Variants in TSPAN15 observed in about 807,000 individuals in gnomAD.
TSPAN15 encodes the protein tetraspanin 15, also known as tetraspanin-15.
A neutral mutation model predicts 34.5 loss-of-function variants in TSPAN15; 20 were observed. The observed-to-expected ratio is 0.58, with a 90% CI of 0.41 to 0.84. The LOEUF is 0.84. Ranked by LOEUF, TSPAN15 falls within the 40% of genes least tolerant of loss-of-function variation. TSPAN15 has a pLI of 0.00. For synonymous variants in TSPAN15, 155 were observed against 153.9 expected, an observed-to-expected ratio of 1.01 and a Z score of -0.05; for missense variants, 313 against 386.1, an observed-to-expected ratio of 0.81 and a Z score of 1.59.
At position 69,485,083 on chromosome 10, in the gene TSPAN15, G is replaced by C. The variant is rs1841822784; in HGVS notation, c.283-58G>C. ...TCTTGGAGCAGATGGTGCCTCCCCT[G>C]TACCCCACACACGCCCACTGCTCCT... On this transcript the variant is annotated intron_variant, in intron 2 of 7. Coordinates refer to ENST00000373290, the MANE Select transcript of TSPAN15 (RefSeq NM_012339.5). 3.9e-6 allele frequency: 6 copies of C among 1,534,470 alleles called. No homozygotes were observed. In the South Asian group the frequency reaches 6.7e-5, roughly 17 times the overall value.
At chr10:69,455,522 CTCTTTCTTTCTCTT>C (rs1261254335) in intron 1 of TSPAN15, among the ~76,000 whole-genome samples, 15 of 147,526 alleles carry the variant, frequency 1.0e-4, no homozygotes, top group Admixed American at 1.0e-3. Context: ...TTCTTTCCCT[CTCTTTCTTTCTCTT>C]TCTTTCTTTC....
chr10:69,459,818 G>C (rs1486005508), intron 1 of TSPAN15, among the ~76,000 whole-genome samples: 1 of 151,614 alleles, frequency 6.6e-6, no homozygotes, highest in Non-Finnish European at 1.5e-5. Flanking sequence ...TCCTCTGTGG[G>C]TACCCCAGAG....
chr10:69,485,529 C>T (rs943069427), intron 3 of TSPAN15, among the ~76,000 whole-genome samples: 1 of 151,554 alleles, frequency 6.6e-6, no homozygotes, highest in Admixed American at 6.6e-5. Flanking sequence ...GTGGAGGCCA[C>T]GTGGCTGAGG....
chr10:69,544,929 G>A, the TSPAN15 span, among the ~76,000 whole-genome samples: 5 of 152,272 alleles, frequency 3.3e-5, no homozygotes, highest in South Asian at 4.1e-4. Flanking sequence ...GCCACACAGC[G>A]CGCCCCTTTG....
At chr10:69,518,852 A>G in the TSPAN15 span, among the ~76,000 whole-genome samples, 1 of 152,176 alleles carries the variant, frequency 6.6e-6, no homozygotes, top group East Asian at 1.9e-4. Flanking sequence ...GGGTAAAGGG[A>G]GGAGGCACCC....
At chr10:69,487,537 C>G (rs527787112) in intron 3 of TSPAN15, among the ~76,000 whole-genome samples, 72 of 151,808 alleles carry the variant, frequency 4.7e-4, no homozygotes, top group Non-Finnish European at 8.5e-4. Flanking sequence ...CGCCCTGAGG[C>G]TTTCCAGGGT....
At chr10:69,504,400 C>T (rs1842280436) in intron 5 of TSPAN15, 38 bp from the exon 6 acceptor site, 2 of 1,594,080 alleles carry the variant, frequency 1.3e-6, no homozygotes, top group Non-Finnish European at 1.7e-6. Context: ...TGAGTTAGAA[C>T]CATTATAAAT....
At chr10:69,534,994 C>T in the TSPAN15 span, among the ~76,000 whole-genome samples, 259 of 152,072 alleles carry the variant, frequency 1.7e-3, no homozygotes, top group African/African-American at 5.8e-3. Context: ...CAAAAAACAA[C>T]AAAACCCCAA....
chr10:69,451,490 G>A lies in TSPAN15; in HGVS notation c.-105G>A, dbSNP rs904394657. 3 of 1,280,892 alleles carry A rather than the reference G, an allele frequency of 2.3e-6. No homozygotes were observed. The highest frequency in any genetic ancestry group is 3.0e-6 in the Non-Finnish European group (3 of 1,012,754). 79.3% of individuals were successfully genotyped at this position (1,280,892 alleles called of 1,614,324 possible). ...GTCAGTCCCGGAGAGAACGCCGGTG[G>A]CGGGGCTGGTAGCCCGGCAGCCGCA... is the stretch of plus-strand genomic sequence containing the variant. On this transcript the variant is annotated 5_prime_UTR_variant, in exon 1 of 8. Transcript: ENST00000373290.
At chr10:69,461,189 A>G (rs545523608) in intron 1 of TSPAN15, among the ~76,000 whole-genome samples, 1 of 152,242 alleles carries the variant, frequency 6.6e-6, no homozygotes, top group African/African-American at 2.4e-5. Context: ...GTCCCATTTT[A>G]TAGAGGAGGA....
At chr10:69,522,752 C>T in the TSPAN15 span, among the ~76,000 whole-genome samples, 1 of 147,712 alleles carries the variant, frequency 6.8e-6, no homozygotes, top group Non-Finnish European at 1.5e-5. Context: ...AAACCATCCC[C>T]TTCCATCCAA....
chr10:69,523,142 ATCCAGTTT>A, the TSPAN15 span, among the ~76,000 whole-genome samples: 3 of 148,164 alleles, frequency 2.0e-5, no homozygotes, highest in African/African-American at 7.4e-5. Context: ...GCATGTGGAT[ATCCAGTTT>A]TCTCACCATT....
At chr10:69,543,844 A>AGGGTGTGTGTGTGTGTGTGT in the TSPAN15 span, among the ~76,000 whole-genome samples, 1 of 73,738 alleles carries the variant, frequency 1.4e-5, no homozygotes, top group Non-Finnish European at 2.6e-5. Flanking sequence ...GAAGAAGGGG[A>AGGGTGTGTGTGTGTGTGTGT]GTGTGTGTGT....
chr10:69,509,088 G>A (rs1157065442), downstream of TSPAN15, among the ~76,000 whole-genome samples: 1 of 151,954 alleles, frequency 6.6e-6, no homozygotes, highest in Admixed American at 6.6e-5. Context: ...GAGGGGAGAC[G>A]GCAGCTGCCT....
intron 1 of TSPAN15, among the ~76,000 whole-genome samples, chr10:69,469,648 TTTAATA>T (rs1841464814): frequency 1.3e-5 from 2 of 152,320 alleles, no homozygotes; most frequent in East Asian, 3.8e-4. Flanking sequence ...TGCCATTACT[TTTAATA>T]ATAATATTTT....
chr10:69,477,548 TAAAGC>T (rs1199235071), intron 1 of TSPAN15, among the ~76,000 whole-genome samples: 1 of 152,146 alleles, frequency 6.6e-6, no homozygotes. Context: ...GAATTTAACT[TAAAGC>T]AAAATAACAT....
chr10:69,482,116 G>C (rs1415424398), intron 1 of TSPAN15, among the ~76,000 whole-genome samples: 1 of 151,916 alleles, frequency 6.6e-6, no homozygotes, highest in Non-Finnish European at 1.5e-5. Context: ...TTAAATACTG[G>C]TAAGTGCAAA....
At chr10:69,539,563 G>GAGAAGAAGAAGAAGAAGAAGAAGA in the TSPAN15 span, among the ~76,000 whole-genome samples, 4 of 101,454 alleles carry the variant, frequency 3.9e-5, no homozygotes, top group African/African-American at 1.4e-4. Flanking sequence ...GAAGGAGAAG[G>GAGAAGAAGAAGAAGAAGAAGAAGA]AGAAGAAGAC....
chr10:69,518,797 A>G, the TSPAN15 span, among the ~76,000 whole-genome samples: 3 of 152,154 alleles, frequency 2.0e-5, no homozygotes, highest in Non-Finnish European at 4.4e-5. Flanking sequence ...GTCCTTCCCA[A>G]TGTCTTCAAT....
Sources: allele counts gnomAD v4.1 joint callset (sites outside exome capture counted in the v4.1 genomes callset), GRCh38; gene constraint gnomAD v4.1.1; transcripts MANE v1.5; gene names NCBI Gene and HGNC (gene_info 2026-07-23, HGNC 2026-07-21).